The following RNF144A variants were observed in gnomAD, a reference collection of about 807,000 sequenced individuals.
The protein encoded by RNF144A is E3 ubiquitin-protein ligase RNF144A.
Under a neutral mutation model 38.7 loss-of-function variants are expected in RNF144A, and 11 were observed. That is an observed-to-expected ratio of 0.28 (90% CI 0.18 to 0.47). The LOEUF (loss-of-function observed/expected upper bound fraction) is 0.47. Ranked by LOEUF, RNF144A falls within the 20% of genes least tolerant of loss-of-function variation. The pLI is 0.99. For missense variants in RNF144A, 316 were observed against 377.2 expected (o/e 0.84, Z 1.34); for synonymous variants, 149 against 143.9 (o/e 1.04, Z -0.25).
chr2:6,932,663 T>C (rs1465366014), intron 1 of RNF144A, among the ~76,000 whole-genome samples: 2 of 152,200 alleles, frequency 1.3e-5, no homozygotes, highest in Non-Finnish European at 2.9e-5. Context: ...AATCAATTGG[T>C]TCTTTGTGAG....
chr2:7,038,457 C>T (rs924593872), intron 8 of RNF144A, among the ~76,000 whole-genome samples: 1 of 152,066 alleles, frequency 6.6e-6, no homozygotes, highest in African/African-American at 2.4e-5. Flanking sequence ...GGGTGTTCCT[C>T]GAGGGCCAAG....
chr2:6,942,196 A>G (rs1302319765), intron 2 of RNF144A, among the ~76,000 whole-genome samples: 4 of 152,018 alleles, frequency 2.6e-5, no homozygotes, highest in African/African-American at 9.7e-5. Context: ...GGTAGAGTTC[A>G]GGAGACCATC....
chr2:7,014,376 C>CT, intron 3 of RNF144A, 78 bp from the exon 4 acceptor site: 3 of 952,506 alleles, frequency 3.1e-6, no homozygotes, highest in Non-Finnish European at 5.1e-6. Context: ...GTGCCTGGTC[C>CT]TTTTTTTAAT....
At chr2:7,030,243 A>C (rs1330169438) in intron 8 of RNF144A, 28 bp downstream of exon 8, 1 of 1,396,956 alleles carries the variant, frequency 7.2e-7, no homozygotes, top group East Asian at 2.3e-5. Context: ...TGGAAGGTTG[A>C]TCTCAGAGAG....
At chr2:6,931,474 C>T (rs79226823) in intron 1 of RNF144A, among the ~76,000 whole-genome samples, 3,139 of 152,352 alleles carry the variant, frequency 0.021, 110 homozygotes, top group African/African-American at 0.073. Flanking sequence ...GGCCTGCTGA[C>T]AGCATTCAGA....
chr2:6,960,176 T>C (rs755539206), intron 2 of RNF144A, among the ~76,000 whole-genome samples: 1 of 152,226 alleles, frequency 6.6e-6, no homozygotes, highest in South Asian at 2.1e-4. Context: ...TGTTGTTCAG[T>C]GAAGCCCTAA....
chr2:6,991,842 A>G (rs1001545586), intron 2 of RNF144A, among the ~76,000 whole-genome samples: 1 of 152,084 alleles, frequency 6.6e-6, no homozygotes, highest in Non-Finnish European at 1.5e-5. Context: ...ATGTATATAT[A>G]ATTGTTGTTA....
At chr2:6,935,424 C>G (rs955578626) in intron 1 of RNF144A, among the ~76,000 whole-genome samples, 1 of 152,210 alleles carries the variant, frequency 6.6e-6, no homozygotes, top group African/African-American at 2.4e-5. Context: ...CCTCATTGGT[C>G]GCTCTTCATC....
chr2:7,044,681 T>C (rs76782487), downstream of RNF144A, among the ~76,000 whole-genome samples: 771 of 152,310 alleles, frequency 5.1e-3, 8 homozygotes, highest in African/African-American at 0.018. Context: ...AATAATGAGC[T>C]GAAGATGTGG....
intron 6 of RNF144A, among the ~76,000 whole-genome samples, chr2:7,066,203 T>A (rs187306996): frequency 1.2e-4 from 19 of 152,234 alleles, no homozygotes; most frequent in Admixed American, 9.2e-4. Flanking sequence ...TTCTCCTGCC[T>A]CAGCCTCCCG....
At chr2:7,010,079 T>G (rs1670694287) in intron 3 of RNF144A, among the ~76,000 whole-genome samples, 1 of 152,218 alleles carries the variant, frequency 6.6e-6, no homozygotes, top group African/African-American at 2.4e-5. Flanking sequence ...AGGAGAAACA[T>G]AAACAGACCA....
intron 2 of RNF144A, among the ~76,000 whole-genome samples, chr2:6,967,141 G>A (rs532715273): frequency 1.3e-5 from 2 of 152,182 alleles, no homozygotes; most frequent in Non-Finnish European, 2.9e-5. Flanking sequence ...TGCTTCTCCA[G>A]TTTCCCATGG....
chr2:6,990,763 G>C (rs1323569958), intron 2 of RNF144A, among the ~76,000 whole-genome samples: 1 of 152,056 alleles, frequency 6.6e-6, no homozygotes, highest in Non-Finnish European at 1.5e-5. Context: ...TTGACAGGTG[G>C]ATAATGACAT....
chr2:6,978,560 ACT>A (rs1484840862), intron 2 of RNF144A: 5 of 152,192 alleles, frequency 3.3e-5, no homozygotes, highest in Non-Finnish European at 7.4e-5. Flanking sequence ...CGCCTTGAAG[ACT>A]CTTCCCAGGT....
intron 1 of RNF144A, among the ~76,000 whole-genome samples, chr2:6,929,696 A>G (rs561376561): frequency 2.0e-5 from 3 of 152,334 alleles, no homozygotes; most frequent in African/African-American, 7.2e-5. Context: ...GGAAGACTTT[A>G]AATTATATTT....
rs930594672 is a variant in RNF144A at position 7,042,173 on chromosome 2, C to T, written c.*2413C>T. 98 of 985,006 alleles carry T rather than the reference C, an allele frequency of 9.9e-5. No homozygotes were observed. The highest frequency in any genetic ancestry group is 1.2e-4 in the Non-Finnish European group (96 of 829,666). 61.0% of individuals were successfully genotyped at this position (985,006 alleles called of 1,614,324 possible). On this transcript the variant is annotated 3_prime_UTR_variant, in exon 9 of 9. Transcript: ENST00000320892. The stretch of plus-strand genomic sequence containing the variant: ...AAGATCACTCTGAGATACATAAACT[C>T]GCATTTCCTTCTGTTTTAGTAAGGA...
chr2:7,036,855 G>C (rs1672713379), intron 8 of RNF144A, among the ~76,000 whole-genome samples: 2 of 152,190 alleles, frequency 1.3e-5, no homozygotes, highest in African/African-American at 4.8e-5. Context: ...AACCTTGTCA[G>C]TTTCAACTGG....
intron 2 of RNF144A, among the ~76,000 whole-genome samples, chr2:6,967,854 C>T (rs1389432138): frequency 6.6e-6 from 1 of 152,148 alleles, no homozygotes; most frequent in East Asian, 1.9e-4. Flanking sequence ...CAAAAGCTCG[C>T]TGGAAATATC....
intron 2 of RNF144A, among the ~76,000 whole-genome samples, chr2:6,956,412 A>G (rs765661505): frequency 9.2e-5 from 14 of 152,146 alleles, no homozygotes; most frequent in Non-Finnish European, 1.8e-4. Flanking sequence ...CAGCTCCCTA[A>G]TCTCATCTGT....
Sources: allele counts gnomAD v4.1 joint callset (sites outside exome capture counted in the v4.1 genomes callset), GRCh38; gene constraint gnomAD v4.1.1; transcripts MANE v1.5; gene names NCBI Gene and HGNC (gene_info 2026-07-23, HGNC 2026-07-21).